The following CD84 variants were observed in gnomAD, a reference collection of about 807,000 sequenced individuals.
CD84 encodes the protein CD84 molecule, also known as SLAM family member 5.
In CD84, 22 loss-of-function variants were observed where a neutral mutation model predicts 33.8. That is an observed-to-expected ratio of 0.65 (90% CI 0.46 to 0.93). The LOEUF (loss-of-function observed/expected upper bound fraction) is 0.93. Among genes scored for constraint, CD84 ranks in the 40% least tolerant of loss-of-function variants. The pLI is 0.00. For missense variants in CD84, 400 were observed against 397.6 expected (o/e 1.01, Z -0.05); for synonymous variants, 154 against 145.2 (o/e 1.06, Z -0.44).
chr1:160,555,746 A>C (rs1448339007), intron 2 of CD84, among the ~76,000 whole-genome samples: 3 of 147,550 alleles, frequency 2.0e-5, no homozygotes, highest in African/African-American at 8.1e-5. Flanking sequence ...GGAATAGAGG[A>C]GTCAGAAGGA....
chr1:160,551,084 T>G (rs1385321153), intron 4 of CD84, 49 bp from the exon 5 acceptor site: 1 of 1,320,272 alleles, frequency 7.6e-7, no homozygotes, highest in Admixed American at 1.7e-5. Context: ...GGTGGTTTTT[T>G]TAGCAATGAT....
In CD84 at chr1:160,544,656, C is replaced by A. The variant is rs948198882; in HGVS notation, c.*3600G>T. 37 of 152,134 alleles carry A rather than the reference C, an allele frequency of 2.4e-4. No individual in the cohort carries two copies. The highest frequency in any genetic ancestry group is 8.9e-4 in the African/African-American group (37 of 41,404). 9.4% of individuals were successfully genotyped at this position (152,134 alleles called of 1,614,324 possible). ...AGACAGGCCCCTTCCTGCCTGTGCC[C>A]GATTTCCAAGCTGGCCCAACCAGGC... On this transcript the variant is annotated 3_prime_UTR_variant, in exon 7 of 7. Transcript: ENST00000368054.
chr1:160,551,448 C>A (rs1412713471), intron 4 of CD84: 1 of 202,596 alleles, frequency 4.9e-6, no homozygotes, highest in East Asian at 1.7e-4. Flanking sequence ...ATTTTACATT[C>A]TTTTGGTGCA....
intron 2 of CD84, among the ~76,000 whole-genome samples, chr1:160,559,393 TGAA>T (rs1161585603): frequency 3.3e-5 from 5 of 151,994 alleles, no homozygotes; most frequent in African/African-American, 1.2e-4. Context: ...GCTTCATAAG[TGAA>T]GAAGAAATAA....
intron 6 of CD84, among the ~76,000 whole-genome samples, chr1:160,548,532 A>G (rs1308760209): frequency 6.6e-6 from 1 of 152,140 alleles, no homozygotes; most frequent in African/African-American, 2.4e-5. Context: ...GCCCTGAGCA[A>G]TTAACTTCTT....
At chr1:160,572,424 A>G (rs1657745557) in intron 1 of CD84, among the ~76,000 whole-genome samples, 1 of 152,218 alleles carries the variant, frequency 6.6e-6, no homozygotes, top group East Asian at 1.9e-4. Context: ...TAGCTGTGTT[A>G]TCTTGAGAAA....
chr1:160,551,356 CTGA>C, intron 4 of CD84: 1 of 305,838 alleles, frequency 3.3e-6, no homozygotes. Context: ...ACACTTACCA[CTGA>C]CTGTCTTGCA....
intron 2 of CD84, among the ~76,000 whole-genome samples, chr1:160,555,229 G>A (rs1323333772): frequency 1.3e-5 from 2 of 151,820 alleles, no homozygotes; most frequent in East Asian, 1.9e-4. Flanking sequence ...GACTACAGGT[G>A]CCCACCACCA....
At chr1:160,561,652 G>A (rs79177462) in intron 2 of CD84, among the ~76,000 whole-genome samples, 2 of 152,156 alleles carry the variant, frequency 1.3e-5, no homozygotes, top group Admixed American at 6.5e-5. Flanking sequence ...AGTATTGAAA[G>A]TTCTGGCAAG....
chr1:160,579,251 A>T, intron 1 of CD84, 141 bp downstream of exon 1: 1 of 1,083,224 alleles, frequency 9.2e-7, no homozygotes, highest in South Asian at 1.8e-5. Context: ...AGCCAGTTGG[A>T]TCCTGTTGAG....
rs1216747443 is a variant in CD84 at position 160,541,188 on chromosome 1, T to C, written c.*7068A>G. 1 of 152,202 alleles carries C rather than the reference T, an allele frequency of 6.6e-6. No individual in the cohort carries two copies. The highest frequency in any genetic ancestry group is 1.9e-4 in the East Asian group (1 of 5,198). 9.4% of individuals were successfully genotyped at this position (152,202 alleles called of 1,614,324 possible). A position where few individuals can be genotyped will look rare whatever the true frequency, so the allele number is the denominator to read the frequency against. Reference sequence around the variant, plus strand: ...CTTACAAGGTAAAATTTATGAACCATACTTTATTAATGGGCATTTACAAAT... The same window carrying C: ...CTTACAAGGTAAAATTTATGAACCACACTTTATTAATGGGCATTTACAAAT... On this transcript the variant is annotated 3_prime_UTR_variant, in exon 7 of 7. Coordinates refer to ENST00000368054, the MANE Select transcript of CD84 (RefSeq NM_003874.4).
rs1054730861 is a variant in CD84 at position 160,554,213 on chromosome 1, T to C, written c.389-67A>G. On this transcript the variant is annotated intron_variant, in intron 2 of 6. Coordinates refer to ENST00000368054, the MANE Select transcript of CD84 (RefSeq NM_003874.4). ...GCTTGTACTAGTTTGTGGGAGCCAA[T>C]TGTTAAATTCTCAGAAATTTGCAAG... 4 of 1,354,476 alleles carry C rather than the reference T, an allele frequency of 3.0e-6. No homozygotes were observed. The African/African-American group carries it at 4.4e-5, about 15-fold the overall frequency. 83.9% of individuals were successfully genotyped at this position (1,354,476 alleles called of 1,614,324 possible).
chr1:160,554,408 ATCTG>A (rs1334236936), intron 2 of CD84, among the ~76,000 whole-genome samples: 1 of 152,208 alleles, frequency 6.6e-6, no homozygotes, highest in African/African-American at 2.4e-5. Flanking sequence ...TTAACAGAGT[ATCTG>A]TCTTTCTAAT....
At chr1:160,550,899 A>T (rs1656168365) in intron 5 of CD84, 39 bp downstream of exon 5, 1 of 1,609,176 alleles carries the variant, frequency 6.2e-7, no homozygotes, top group Non-Finnish European at 8.5e-7. Flanking sequence ...TGTCATGGAG[A>T]TGGTGGCACA....
chr1:160,560,890 T>C (rs1282055921), intron 2 of CD84, among the ~76,000 whole-genome samples: 2 of 151,598 alleles, frequency 1.3e-5, no homozygotes, highest in Admixed American at 6.6e-5. Context: ...AACTAGAAAA[T>C]ATAGAAGAAA....
chr1:160,557,167 C>G (rs895479953), intron 2 of CD84, among the ~76,000 whole-genome samples: 1 of 152,168 alleles, frequency 6.6e-6, no homozygotes, highest in African/African-American at 2.4e-5. Flanking sequence ...AGTGAGGAAA[C>G]TTTGGAACAG....
At chr1:160,559,982 C>G (rs552079371) in intron 2 of CD84, among the ~76,000 whole-genome samples, 4 of 151,782 alleles carry the variant, frequency 2.6e-5, no homozygotes, top group South Asian at 2.1e-4. Context: ...CAGGAGCACT[C>G]AAATCCATAA....
intron 2 of CD84, among the ~76,000 whole-genome samples, chr1:160,558,424 C>A (rs1462262529): frequency 1.3e-5 from 2 of 152,200 alleles, no homozygotes; most frequent in Middle Eastern, 3.4e-3. Flanking sequence ...GAAAGAAAAA[C>A]CAACAAACAG....
intron 4 of CD84, among the ~76,000 whole-genome samples, chr1:160,551,946 G>T (rs1049268497): frequency 2.0e-5 from 3 of 152,216 alleles, no homozygotes; most frequent in Non-Finnish European, 4.4e-5. Flanking sequence ...TTCCTTTTAA[G>T]AATGTATAGG....
Sources: allele counts gnomAD v4.1 joint callset (sites outside exome capture counted in the v4.1 genomes callset), GRCh38; gene constraint gnomAD v4.1.1; transcripts MANE v1.5; gene names NCBI Gene and HGNC (gene_info 2026-07-23, HGNC 2026-07-21).